The following SETD2 variants were observed in gnomAD, a reference collection of about 807,000 sequenced individuals.
SETD2 encodes SET domain containing 2, histone lysine methyltransferase.
A neutral mutation model predicts 242.1 loss-of-function variants in SETD2; 31 were observed. The ratio of observed to expected loss-of-function variants is 0.13; its 90% CI spans 0.10 to 0.17. The LOEUF is 0.17. Ranked by LOEUF, SETD2 falls within the 10% of genes least tolerant of loss-of-function variation. SETD2 has a pLI of 1.00. For synonymous variants in SETD2, 1,006 were observed against 1,066.5 expected (o/e 0.94, Z 1.11); for missense variants, 2,481 against 3,046.3 (o/e 0.81, Z 4.37).
rs76219817 is a variant in SETD2, at chr3:47,148,140, G to A, written c.71+15714C>T. Among the ~76,000 whole-genome samples the A allele has an allele frequency of 2.5e-5, 3 of 121,476 alleles. No homozygotes were observed. The East Asian group carries it at 7.5e-4, about 30-fold the overall frequency. The allele number at this position is 121,476 out of a possible 152,430, so 79.7% of individuals were successfully genotyped here. A position where few individuals can be genotyped will look rare whatever the true frequency, so the allele number is the denominator to read the frequency against. On this transcript the variant is annotated intron_variant, in intron 1 of 20. Transcript: ENST00000409792. Reference sequence around the variant, plus strand: ...TGTTGTTGTTGTTGTTGTTGTTGTTGTTGTTTTTGATAAAGCGTCTCGTTC... The same window carrying A: ...TGTTGTTGTTGTTGTTGTTGTTGTTATTGTTTTTGATAAAGCGTCTCGTTC...
intron 18 of SETD2, among the ~76,000 whole-genome samples, chr3:47,030,960 A>G (rs927581110): frequency 2.6e-5 from 4 of 152,348 alleles, no homozygotes; most frequent in East Asian, 1.9e-4. Context: ...GGAAGCCTCA[A>G]TGCATATTGC....
chr3:47,072,883 C>A (rs2040885230), intron 12 of SETD2, among the ~76,000 whole-genome samples: 1 of 149,486 alleles, frequency 6.7e-6, no homozygotes. Flanking sequence ...GGAGGCGGAG[C>A]TTGCAGTGAG....
Position 47,106,099 on chromosome 3 carries a change from A to G in SETD2, c.4737T>C (p.Tyr1579=), listed in dbSNP as rs1258908603. The G allele has an allele frequency of 3.1e-6, 5 of 1,613,568 alleles. No individual in the cohort carries two copies. The highest frequency in any genetic ancestry group is 1.7e-5 in the Admixed American group (1 of 59,962). The change falls in exon 6 of 21, where the codon TAT becomes TAC. Residue 1579 remains tyrosine, a synonymous_variant. Transcript: ENST00000409792. The stretch of plus-strand genomic sequence containing the variant: ...CTTTATGATCGAGTACCTCTCCACA[A>G]TATTCTAGGACAAAGGTGTTCCTGC... The part of the protein sequence containing the change: ...DLPSNTFVLE[Y]CGEVLDHKEF...
chr3:47,057,543 T>C lies in SETD2; in HGVS notation c.6294-53A>G, dbSNP rs1029461584. The C allele has an allele frequency of 3.8e-6, 5 of 1,300,662 alleles. No individual in the cohort carries two copies. The African/African-American group carries it at 5.9e-5, about 15-fold the overall frequency. The allele number at this position is 1,300,662 out of a possible 1,614,324, so 80.6% of individuals were successfully genotyped here. On this transcript the variant is annotated intron_variant, in intron 14 of 20. Transcript: ENST00000409792. The stretch of plus-strand genomic sequence containing the variant: ...GTTGCTCCCTAAATCATAGACACAA[T>C]CAAAGCACTAATAAGTATTATGTCA...
intron 5 of SETD2, among the ~76,000 whole-genome samples, chr3:47,106,328 A>C (rs2042417002): frequency 6.6e-6 from 1 of 152,028 alleles, no homozygotes; most frequent in African/African-American, 2.4e-5. Context: ...AAGAATGTTG[A>C]TTCTAAGATG....
chr3:47,057,442 A>T lies in SETD2; in HGVS notation c.6342T>A (p.Asn2114Lys), dbSNP rs2040130872. 1 of 1,614,192 alleles carries T rather than the reference A, an allele frequency of 6.2e-7. No individual in the cohort carries two copies. Among genetic ancestry groups the T allele is most frequent in the Non-Finnish European group, 8.5e-7 (1 of 1,180,018 alleles). The change falls in exon 15 of 21, where the codon AAT becomes AAA. Residue 2114 changes from asparagine (N) to lysine (K), a missense_variant. Asn to Lys is a moderately conservative substitution (Grantham distance 94). Transcript: ENST00000409792. ...TCCGGCGTTCCTCTGTAGAAAGTTT[A>T]TTGCGGTCTTTAATTCGTACTTTCT... ...SKKKVRIKDRNKLSTEERRKL... is the reference protein window; with the variant it reads ...SKKKVRIKDRKKLSTEERRKL...
rs201520141 is a variant in SETD2 at position 47,151,712 on chromosome 3, AC to A, written c.71+12141del. On this transcript the variant is annotated intron_variant, in intron 1 of 20. Coordinates refer to ENST00000409792, the MANE Select transcript of SETD2 (RefSeq NM_014159.7). ...CGTGGTGGTACGCGCCTGTAATCCC[AC>A]CTACTTGGGAGGCTGAGGCAGGAGA... is the stretch of plus-strand genomic sequence containing the variant. Among the ~76,000 whole-genome samples, 1,500 of 151,632 alleles carry A rather than the reference AC, an allele frequency of 9.9e-3. 31 individuals are homozygous for A. The highest frequency in any genetic ancestry group is 0.035 in the African/African-American group (1,446 of 41,292).
intron 15 of SETD2, among the ~76,000 whole-genome samples, chr3:47,051,840 T>C (rs190307527): frequency 1.5e-3 from 233 of 152,330 alleles, no homozygotes; most frequent in Non-Finnish European, 2.8e-3. Context: ...CAAAATTTCT[T>C]TGGCCATCAG....
At chr3:47,054,634 C>T (rs772566858) in intron 15 of SETD2, among the ~76,000 whole-genome samples, 1 of 152,128 alleles carries the variant, frequency 6.6e-6, no homozygotes, top group Non-Finnish European at 1.5e-5. Flanking sequence ...TACACACACA[C>T]ACAAACAATT....
Position 47,057,390 on chromosome 3 carries a change from G to A in SETD2, c.6394C>T (p.Arg2132Trp), listed in dbSNP as rs769623377. 7.4e-6 allele frequency: 12 copies of A among 1,614,022 alleles called. No individual in the cohort carries two copies. Among genetic ancestry groups the A allele is most frequent in the Admixed American group, 1.7e-5 (1 of 59,998 alleles). The change falls in exon 15 of 21, where the codon CGG becomes TGG. Residue 2132 changes from arginine to tryptophan, a missense_variant. Arg to Trp is a moderately radical substitution (Grantham distance 101, BLOSUM62 -3). Transcript: ENST00000409792. ...RKLFEQEVAQ[R>W]EAQKQQQQMQ... The stretch of plus-strand genomic sequence containing the variant: ...TGTTGCTGTTGTTTCTGAGCCTCCC[G>A]TTGAGCCACCTCTTGCTCAAACAAC...
Position 47,122,378 on chromosome 3 carries a change from A to G in SETD2, c.2258T>C (p.Val753Ala), listed in dbSNP as rs2043134664. Residue 753 changes from valine (V) to alanine (A), a missense_variant, in exon 3 of 21, where the codon GTG becomes GCG. Transcript: ENST00000409792. ...CATGAGTTTATCTTGGTGTGGTGAC[A>G]CCAGAGGTTCTGTTTCTCTAAATGG... is the stretch of plus-strand genomic sequence containing the variant. ...ESPFRETEPLVSPHQDKLMSM... is the reference protein window; with the variant it reads ...ESPFRETEPLASPHQDKLMSM... The G allele has an allele frequency of 1.9e-6, 3 of 1,614,016 alleles. No homozygotes were observed. Among genetic ancestry groups the G allele is most frequent in the Non-Finnish European group, 2.5e-6 (3 of 1,179,990 alleles).
At position 47,163,975 on chromosome 3, in the gene SETD2, C is replaced by T; in HGVS notation, c.-51G>A. 7.9e-7 allele frequency: 1 copy of T among 1,259,936 alleles called. No individual in the cohort carries two copies. The highest frequency in any genetic ancestry group is 1.0e-6 in the Non-Finnish European group (1 of 995,564). 78.0% of individuals were successfully genotyped at this position (1,259,936 alleles called of 1,614,324 possible). A position where few individuals can be genotyped will look rare whatever the true frequency, so the allele number is the denominator to read the frequency against. On this transcript the variant is annotated 5_prime_UTR_variant, in exon 1 of 21. Transcript: ENST00000409792. Reference sequence around the variant, plus strand: ...GAGCCCCCTCCCCGCAGCAGGGCGACGCGGGGGAGGGGAGGGGAGGAGGCC... The same window carrying T: ...GAGCCCCCTCCCCGCAGCAGGGCGATGCGGGGGAGGGGAGGGGAGGAGGCC...
intron 1 of SETD2, 150 bp downstream of exon 1, chr3:47,163,704 C>CG: frequency 2.1e-6 from 1 of 484,880 alleles, no homozygotes; most frequent in Non-Finnish European, 2.9e-6. Flanking sequence ...GAAGTGGCGG[C>CG]GCGGGCCTGC....
intron 18 of SETD2, 75 bp downstream of exon 18, chr3:47,037,591 A>G: frequency 9.2e-7 from 1 of 1,081,860 alleles, no homozygotes; most frequent in Admixed American, 1.8e-5. Context: ...AAGAAAAAAG[A>G]ATCCCAAGAC....
chr3:47,027,687 T>C (rs1052810021), intron 18 of SETD2, among the ~76,000 whole-genome samples: 11 of 152,276 alleles, frequency 7.2e-5, no homozygotes, highest in Admixed American at 5.2e-4. Context: ...GCTGCATAAT[T>C]TGGTAAATTA....
chr3:47,046,698 A>C (rs908149797), intron 15 of SETD2, 77 bp from the exon 16 acceptor site: 6 of 1,334,720 alleles, frequency 4.5e-6, no homozygotes, highest in Admixed American at 2.2e-5. Flanking sequence ...AAGTTGGCAC[A>C]ATCTTAAAGA....
At chr3:47,039,892 A>G (rs928586951) in intron 17 of SETD2, among the ~76,000 whole-genome samples, 18 of 151,934 alleles carry the variant, frequency 1.2e-4, no homozygotes, top group Admixed American at 1.3e-4. Context: ...CTCAAAAAAA[A>G]AAAAAAAAAG....
intron 13 of SETD2, among the ~76,000 whole-genome samples, chr3:47,063,082 C>T (rs1217403154): frequency 6.6e-6 from 1 of 152,176 alleles, no homozygotes; most frequent in African/African-American, 2.4e-5. Flanking sequence ...CAATCCACCT[C>T]ACGGAACCCA....
chr3:47,056,780 C>T, intron 15 of SETD2, 41 bp downstream of exon 15: 1 of 1,530,962 alleles, frequency 6.5e-7, no homozygotes, highest in Non-Finnish European at 9.0e-7. Context: ...ATCCCATGAA[C>T]AGACCATAAA....
Sources: allele counts gnomAD v4.1 joint callset (sites outside exome capture counted in the v4.1 genomes callset), GRCh38; gene constraint gnomAD v4.1.1; transcripts MANE v1.5; gene names NCBI Gene and HGNC (gene_info 2026-07-23, HGNC 2026-07-21).